The following THUMPD2 variants were observed in gnomAD, a reference collection of about 807,000 sequenced individuals.
THUMPD2 encodes the protein U6 snRNA (guanine-N(2))-methyltransferase THUMPD2.
THUMPD2 carries 56 observed loss-of-function variants against 49.4 expected under a neutral mutation model. The observed-to-expected ratio is 1.13, with a 90% CI of 0.91 to 1.41. The LOEUF is 1.41. Ranked by LOEUF, THUMPD2 falls within the 40% of genes most tolerant of loss-of-function variation. The probability of loss-of-function intolerance (pLI) is 0.00; values close to 1 mark genes in which losing one functional copy is unlikely to be tolerated. For synonymous variants in THUMPD2, 237 were observed against 205.2 expected, an observed-to-expected ratio of 1.15 and a Z score of -1.32; for missense variants, 709 against 594.5, an observed-to-expected ratio of 1.19 and a Z score of -2.00.
intron 4 of THUMPD2, 83 bp from the exon 5 acceptor site, chr2:39,766,192 C>G: frequency 3.1e-6 from 3 of 976,524 alleles, no homozygotes; most frequent in East Asian, 2.9e-5. Flanking sequence ...CCATTTTAAA[C>G]TTACATGATC....
intron 6 of THUMPD2, among the ~76,000 whole-genome samples, chr2:39,759,763 C>G (rs1384000581): frequency 6.6e-6 from 1 of 152,164 alleles, no homozygotes; most frequent in African/African-American, 2.4e-5. Context: ...CATCTACAGA[C>G]CTCTGAGAGA....
At chr2:39,755,595 T>C (rs1329180744) in intron 7 of THUMPD2, among the ~76,000 whole-genome samples, 186 bp from the exon 8 acceptor site, 1 of 152,182 alleles carries the variant, frequency 6.6e-6, no homozygotes, top group Admixed American at 6.5e-5. Context: ...GTTAAAATTT[T>C]AAAAATCTGT....
intron 6 of THUMPD2, among the ~76,000 whole-genome samples, chr2:39,756,287 T>C (rs1186798743): frequency 2.0e-5 from 3 of 151,982 alleles, no homozygotes; most frequent in Non-Finnish European, 2.9e-5. Context: ...TATGTGGGCA[T>C]AGATTCTGGT....
At chr2:39,737,182 G>T in intron 9 of THUMPD2, 123 bp from the exon 10 acceptor site, 1 of 921,282 alleles carries the variant, frequency 1.1e-6, no homozygotes. Flanking sequence ...TAAATATAAG[G>T]ATTTTTGATA....
chr2:39,751,569 AC>A (rs1471840422), intron 8 of THUMPD2, among the ~76,000 whole-genome samples: 1 of 151,990 alleles, frequency 6.6e-6, no homozygotes, highest in Non-Finnish European at 1.5e-5. Context: ...AAAAAGCCTA[AC>A]TAATGACTAA....
chr2:39,754,917 A>G (rs77358808), intron 8 of THUMPD2, among the ~76,000 whole-genome samples: 3,811 of 152,352 alleles, frequency 0.025, 66 homozygotes, highest in Non-Finnish European at 0.039. Context: ...AAGATAATTC[A>G]GAACATTTCA....
intron 1 of THUMPD2, among the ~76,000 whole-genome samples, chr2:39,773,387 G>A (rs1449822962): frequency 6.6e-6 from 1 of 151,692 alleles, no homozygotes; most frequent in Non-Finnish European, 1.5e-5. Context: ...CAAGTAAAAT[G>A]ATGCAAACAT....
At chr2:39,775,306 C>CA (rs753006111) in intron 1 of THUMPD2, among the ~76,000 whole-genome samples, 17 of 152,016 alleles carry the variant, frequency 1.1e-4, no homozygotes, top group Non-Finnish European at 2.4e-4. Context: ...TAAATCTATG[C>CA]AAAAACACAT....
intron 5 of THUMPD2, among the ~76,000 whole-genome samples, chr2:39,763,894 C>T (rs778491073): frequency 2.2e-4 from 34 of 151,712 alleles, no homozygotes; most frequent in Non-Finnish European, 8.8e-5. Context: ...CTTATACATA[C>T]TTAAACAAGG....
chr2:39,749,499 GT>G (rs1236128408), intron 8 of THUMPD2, among the ~76,000 whole-genome samples: 1 of 152,206 alleles, frequency 6.6e-6, no homozygotes, highest in Non-Finnish European at 1.5e-5. Flanking sequence ...TAAAGGGAAA[GT>G]CATACTTCAC....
At chr2:39,779,008 A>T (rs1679503456) in intron 1 of THUMPD2, 106 bp downstream of exon 1, 1 of 1,318,656 alleles carries the variant, frequency 7.6e-7, no homozygotes, top group Non-Finnish European at 9.7e-7. Flanking sequence ...GTCGCGTGGA[A>T]CAGAGAGGGG....
intron 8 of THUMPD2, among the ~76,000 whole-genome samples, chr2:39,753,498 G>A (rs953930467): frequency 6.6e-6 from 1 of 152,074 alleles, no homozygotes; most frequent in Non-Finnish European, 1.5e-5. Flanking sequence ...TCTCTATACT[G>A]GTGATTCTCT....
chr2:39,749,628 G>A (rs1675115339), intron 8 of THUMPD2, among the ~76,000 whole-genome samples: 1 of 152,040 alleles, frequency 6.6e-6, no homozygotes, highest in Admixed American at 6.6e-5. Flanking sequence ...TAAGTTCCAG[G>A]GTATATGTGC....
At chr2:39,770,879 G>A (rs928880474) in intron 2 of THUMPD2, among the ~76,000 whole-genome samples, 5 of 151,988 alleles carry the variant, frequency 3.3e-5, no homozygotes, top group Non-Finnish European at 7.4e-5. Context: ...GATCTCTTAC[G>A]TAATTCAAAT....
At chr2:39,749,375 G>C (rs577847437) in intron 8 of THUMPD2, among the ~76,000 whole-genome samples, 15 of 152,304 alleles carry the variant, frequency 9.8e-5, no homozygotes, top group African/African-American at 3.1e-4. Flanking sequence ...TATCTGCAAA[G>C]GTCTTCTGCT....
At chr2:39,742,509 T>C (rs1485376604) in intron 9 of THUMPD2, among the ~76,000 whole-genome samples, 1 of 152,222 alleles carries the variant, frequency 6.6e-6, no homozygotes, top group Non-Finnish European at 1.5e-5. Flanking sequence ...TGTCTACTCA[T>C]AATACTGCCC....
intron 9 of THUMPD2, 113 bp from the exon 10 acceptor site, chr2:39,737,172 T>A: frequency 2.0e-6 from 2 of 1,012,592 alleles, no homozygotes; most frequent in Non-Finnish European, 2.8e-6. Context: ...TTTATCCATT[T>A]AAATATAAGG....
intron 4 of THUMPD2, among the ~76,000 whole-genome samples, chr2:39,767,603 CAAA>C (rs57906396): frequency 5.9e-5 from 4 of 67,850 alleles, no homozygotes; most frequent in South Asian, 1.2e-3. Context: ...GACTCCGTCT[CAAA>C]AAAAAAAAAA....
chr2:39,751,396 GTGTGACCAGCTACAGAA>G (rs1468703916), intron 8 of THUMPD2, among the ~76,000 whole-genome samples: 15 of 152,358 alleles, frequency 9.8e-5, no homozygotes, highest in African/African-American at 3.1e-4. Context: ...CTTAAGTGAT[GTGTGACCAGCTACAGAA>G]TGCCTAATTG....
Sources: gnomAD v4.1 joint callset for allele counts (sites outside exome capture counted in the v4.1 genomes callset) on GRCh38, gnomAD v4.1.1 for gene constraint, MANE v1.5 for transcripts, NCBI Gene and HGNC (gene_info 2026-07-23, HGNC 2026-07-21) for gene names.